Variants in ASCC3 observed in about 807,000 individuals in gnomAD.
ASCC3 encodes the protein ASC-1 complex subunit P200.
ASCC3 carries 158 observed loss-of-function variants against 256.3 expected under a neutral mutation model. The observed-to-expected ratio is 0.62, with a 90% CI of 0.54 to 0.70. The LOEUF is 0.70. ASCC3 is among the 30% of genes least tolerant of loss of function. The probability of loss-of-function intolerance (pLI) is 0.00; values close to 1 mark genes in which losing one functional copy is unlikely to be tolerated. For missense variants in ASCC3, 2,259 were observed against 2,626.0 expected, an observed-to-expected ratio of 0.86 and a Z score of 3.05; for synonymous variants, 948 against 883.4, an observed-to-expected ratio of 1.07 and a Z score of -1.30.
intron 36 of ASCC3, among the ~76,000 whole-genome samples, chr6:100,560,602 T>G (rs771918358): frequency 6.6e-6 from 1 of 152,122 alleles, no homozygotes; most frequent in Non-Finnish European, 1.5e-5. Flanking sequence ...AAAGCCACTC[T>G]AACCTGGCAA....
At chr6:100,774,403 T>A (rs1782085634) in intron 8 of ASCC3, among the ~76,000 whole-genome samples, 1 of 152,142 alleles carries the variant, frequency 6.6e-6, no homozygotes, top group South Asian at 2.1e-4. Context: ...TCTCACTCTG[T>A]TGCCTAGTCT....
intron 4 of ASCC3, among the ~76,000 whole-genome samples, chr6:100,813,476 A>AAC (rs1770584533): frequency 6.9e-6 from 1 of 144,104 alleles, no homozygotes; most frequent in African/African-American, 2.7e-5. Context: ...ACAACAACAA[A>AAC]AAAAAAACAC....
intron 4 of ASCC3, among the ~76,000 whole-genome samples, chr6:100,810,213 A>G (rs898834585): frequency 6.6e-6 from 1 of 152,242 alleles, no homozygotes; most frequent in South Asian, 2.1e-4. Flanking sequence ...TCACATGTCC[A>G]TGTGTCTCTA....
intron 36 of ASCC3, among the ~76,000 whole-genome samples, chr6:100,561,576 C>T (rs1769955470): frequency 6.6e-6 from 1 of 152,058 alleles, no homozygotes. Context: ...TAGCTGCATT[C>T]ACAGGTTATT....
chr6:100,689,265 T>C (rs1054754094), intron 13 of ASCC3, among the ~76,000 whole-genome samples: 1 of 152,192 alleles, frequency 6.6e-6, no homozygotes, highest in African/African-American at 2.4e-5. Context: ...ATTTATTGGG[T>C]CATACTACGT....
At chr6:100,579,328 CAGA>C (rs1771064642) in intron 36 of ASCC3, among the ~76,000 whole-genome samples, 1 of 151,956 alleles carries the variant, frequency 6.6e-6, no homozygotes, top group Non-Finnish European at 1.5e-5. Context: ...TTTTATTATG[CAGA>C]AGTTCTTCAG....
In ASCC3 at chr6:100,570,636, C is replaced by T. The variant is rs78666168; in HGVS notation, c.5550+18998G>A. On this transcript the variant is annotated intron_variant, in intron 36 of 41. Transcript: ENST00000369162. ...GCATTCTCAGAGCTCAACCTTTAGA[C>T]CTCTGCTCAATACTGACTGCCTAGA... Among the ~76,000 whole-genome samples the T allele has an allele frequency of 4.8e-3, 737 of 152,174 alleles. 5 individuals carry two copies. The highest frequency in any genetic ancestry group is 0.017 in the African/African-American group (705 of 41,518).
intron 36 of ASCC3, among the ~76,000 whole-genome samples, chr6:100,572,532 G>C (rs1009857392): frequency 6.6e-6 from 1 of 152,114 alleles, no homozygotes; most frequent in African/African-American, 2.4e-5. Flanking sequence ...AGGGCATAGG[G>C]AAATACTGCC....
At chr6:100,805,462 A>G (rs142750097) in intron 5 of ASCC3, among the ~76,000 whole-genome samples, 2 of 152,216 alleles carry the variant, frequency 1.3e-5, no homozygotes, top group South Asian at 2.1e-4. Flanking sequence ...GGCATCAAAC[A>G]ATATACTCAT....
chr6:100,723,887 TATATATATA>T (rs1562251361), intron 11 of ASCC3, among the ~76,000 whole-genome samples: 2 of 138,864 alleles, frequency 1.4e-5, no homozygotes, highest in African/African-American at 5.3e-5. Context: ...TATATATATA[TATATATATA>T]TTTATAATTA....
chr6:100,540,183 G>T lies in ASCC3; in HGVS notation c.5755C>A (p.Gln1919Lys), dbSNP rs778427371. The change falls in exon 37 of 42, where the codon CAA becomes AAA. Residue 1919 changes from glutamine (Q) to lysine (K), a missense_variant. Physicochemically the swap from Gln to Lys is moderately conservative, Grantham distance 53 (BLOSUM62 1). Coordinates refer to ENST00000369162, the MANE Select transcript of ASCC3 (RefSeq NM_006828.4). ...CATACCTGACATACTCTGAGAGCTT[G>T]GTCCAAGACTGTTTTGGTATCAGTG... ...YDTDTKTVLD[Q>K]ALRVCQAMLD... The T allele has an allele frequency of 3.1e-6, 5 of 1,613,814 alleles. No individual in the cohort carries two copies. The Admixed American group carries it at 6.7e-5, about 22-fold the overall frequency.
At position 100,867,953 on chromosome 6, in the gene ASCC3, A is replaced by G. The variant is rs1353237607; in HGVS notation, c.45T>C (p.Asn15=). The change falls in exon 2 of 42, where the codon AAT becomes AAC. Residue 15 remains asparagine (N), a synonymous_variant. Coordinates refer to ENST00000369162, the MANE Select transcript of ASCC3 (RefSeq NM_006828.4). ...CATTATAATTATCTTGCTTGGTGACATTTGAAAAGGAACGCAAGGCTCCTG... is the reference window on the plus strand; with the variant it reads ...CATTATAATTATCTTGCTTGGTGACGTTTGAAAAGGAACGCAAGGCTCCTG... ...RLTGALRSFS[N]VTKQDNYNEE... is the part of the protein sequence containing the mutation. The G allele has an allele frequency of 6.2e-7, 1 of 1,613,862 alleles. No individual in the cohort carries two copies.
In ASCC3 at chr6:100,770,542, G is replaced by GA. The variant is rs1301833375; in HGVS notation, c.1396-3198dup. On this transcript the variant is annotated intron_variant, in intron 8 of 41. Coordinates refer to ENST00000369162, the MANE Select transcript of ASCC3 (RefSeq NM_006828.4). ...TAAAGTCATTAATATAAAAAAGGAA[G>GA]AAAAAAATACCTGTATTTAGAGATG... 1.6e-4 allele frequency among the ~76,000 whole-genome samples: 24 copies of GA among 151,796 alleles called. 1 individual carries two copies. The East Asian group carries it at 4.6e-3, about 29-fold the overall frequency.
chr6:100,700,665 G>A (rs556776951), intron 13 of ASCC3, among the ~76,000 whole-genome samples: 67 of 152,334 alleles, frequency 4.4e-4, no homozygotes, highest in African/African-American at 1.6e-3. Context: ...GCATGAACTG[G>A]ATGTGAGACA....
chr6:100,674,323 T>C (rs1013136108), intron 14 of ASCC3, among the ~76,000 whole-genome samples: 1 of 151,988 alleles, frequency 6.6e-6, no homozygotes, highest in Admixed American at 6.6e-5. Flanking sequence ...ACTTTATTTC[T>C]TCTTCTTGCT....
intron 8 of ASCC3, among the ~76,000 whole-genome samples, chr6:100,775,543 T>A (rs1360318536): frequency 6.6e-6 from 1 of 152,086 alleles, no homozygotes; most frequent in East Asian, 1.9e-4. Context: ...TGATGATTTA[T>A]CTTGTTCGGT....
intron 10 of ASCC3, among the ~76,000 whole-genome samples, chr6:100,762,188 A>C (rs1781453680): frequency 6.6e-6 from 1 of 152,210 alleles, no homozygotes; most frequent in Non-Finnish European, 1.5e-5. Flanking sequence ...ATAAACAAAA[A>C]CAAAACCTGA....
At chr6:100,653,934 TA>T (rs1775798177) in intron 17 of ASCC3, among the ~76,000 whole-genome samples, 2 of 151,632 alleles carry the variant, frequency 1.3e-5, no homozygotes, top group African/African-American at 4.8e-5. Context: ...GTAGGGGGAG[TA>T]TTAAAACAAT....
intron 4 of ASCC3, among the ~76,000 whole-genome samples, chr6:100,829,090 T>C (rs975766621): frequency 7.2e-5 from 11 of 152,146 alleles, no homozygotes; most frequent in East Asian, 1.9e-4. Flanking sequence ...AGAGTGTCGA[T>C]TGGTGTATTT....
Sources: allele counts gnomAD v4.1 joint callset (sites outside exome capture counted in the v4.1 genomes callset), GRCh38; gene constraint gnomAD v4.1.1; transcripts MANE v1.5; gene names NCBI Gene and HGNC (gene_info 2026-07-23, HGNC 2026-07-21).